Variants in UBR4 observed in about 807,000 individuals in gnomAD.
The protein encoded by UBR4 is E3 ubiquitin-protein ligase UBR4.
UBR4 carries 124 observed loss-of-function variants against 575.6 expected under a neutral mutation model. The ratio of observed to expected loss-of-function variants is 0.22; its 90% CI spans 0.19 to 0.25. UBR4 has a LOEUF of 0.25. UBR4 is among the 10% of genes least tolerant of loss of function. UBR4 has a pLI of 1.00. For synonymous variants in UBR4, 2,455 were observed against 2,473.7 expected, an observed-to-expected ratio of 0.99 and a Z score of 0.22; for missense variants, 4,818 against 6,478.8, an observed-to-expected ratio of 0.74 and a Z score of 8.80.
chr1:19,197,856 AT>A, intron 6 of UBR4, 45 bp from the exon 7 acceptor site: 1 of 1,612,928 alleles, frequency 6.2e-7, no homozygotes, highest in East Asian at 2.2e-5. Context: ...CCTTTGTCTG[AT>A]GCTTGATTCT....
chr1:19,100,627 T>C lies in UBR4; in HGVS notation c.13024-54A>G. The C allele has an allele frequency of 6.4e-7, 1 of 1,553,664 alleles. No homozygotes were observed. Among genetic ancestry groups the C allele is most frequent in the Non-Finnish European group, 8.9e-7 (1 of 1,127,042 alleles). On this transcript the variant is annotated intron_variant, in intron 88 of 105. Coordinates refer to ENST00000375254, the MANE Select transcript of UBR4 (RefSeq NM_020765.3). The surrounding 1 kb of genome is among the most constrained non-coding windows in gnomAD (Gnocchi z 4.2). ...AAGGGATGGCAGAGGTGGAGATTTA[T>C]ACCATGCTACCTTGTTCCATGGACA...
chr1:19,209,403 A>G (rs1291357620), intron 1 of UBR4, among the ~76,000 whole-genome samples: 1 of 152,228 alleles, frequency 6.6e-6, no homozygotes, highest in Non-Finnish European at 1.5e-5. Flanking sequence ...AAAAACACAC[A>G]AAAGGAAACC....
At chr1:19,141,900 G>A (rs773622995) in intron 55 of UBR4, 123 bp from the exon 56 acceptor site, 18 of 1,390,528 alleles carry the variant, frequency 1.3e-5, no homozygotes, top group South Asian at 2.7e-5. Flanking sequence ...GGGCTTTAGC[G>A]GGAGAACTCC....
At chr1:19,126,259 G>T (rs1286532421) in intron 64 of UBR4, among the ~76,000 whole-genome samples, 187 bp downstream of exon 64, 4 of 152,176 alleles carry the variant, frequency 2.6e-5, no homozygotes, top group Admixed American at 6.5e-5. Context: ...GCAGGAATGA[G>T]AATCCCACAG....
At chr1:19,161,788 C>A (rs1257539869) in intron 36 of UBR4, 39 bp downstream of exon 36, 2 of 1,613,998 alleles carry the variant, frequency 1.2e-6, no homozygotes, top group Non-Finnish European at 8.5e-7. Context: ...ACAATCGGTG[C>A]CCAGCAAATC....
Position 19,074,522 on chromosome 1 carries a change from G to C in UBR4, c.*310C>G. On this transcript the variant is annotated 3_prime_UTR_variant, in exon 106 of 106. Transcript: ENST00000375254. ...GGCAACACCTTCCTTTTCAATGTGT[G>C]TTAAGTCACTTGTTTATTTCTCAAG... 1 of 413,538 alleles carries C rather than the reference G, an allele frequency of 2.4e-6. No homozygotes were observed. 25.6% of individuals were successfully genotyped at this position (413,538 alleles called of 1,614,324 possible).
At chr1:19,207,937 CAG>C (rs1258674834) in intron 1 of UBR4, among the ~76,000 whole-genome samples, 1 of 152,212 alleles carries the variant, frequency 6.6e-6, no homozygotes, top group Non-Finnish European at 1.5e-5. Context: ...ACAGTCCAGA[CAG>C]AGACCACATG....
At chr1:19,185,362 A>G (rs1200168694) in intron 14 of UBR4, 76 bp from the exon 15 acceptor site, 3 of 1,401,346 alleles carry the variant, frequency 2.1e-6, no homozygotes, top group East Asian at 4.9e-5. Flanking sequence ...TCCTAAAAGT[A>G]CTTAAGTCAA....
chr1:19,154,218 G>A (rs927369644), intron 44 of UBR4, among the ~76,000 whole-genome samples: 1 of 152,198 alleles, frequency 6.6e-6, no homozygotes, highest in African/African-American at 2.4e-5. Flanking sequence ...GCTATCAACT[G>A]CAGAGGGCCA....
rs2150331384 is a variant in UBR4 at position 19,153,683 on chromosome 1, G to A, written c.6630+85C>T. 3 of 1,532,360 alleles carry A rather than the reference G, an allele frequency of 2.0e-6. No individual in the cohort carries two copies. Among genetic ancestry groups the A allele is most frequent in the East Asian group, 2.3e-5 (1 of 44,366 alleles). The allele number at this position is 1,532,360 out of a possible 1,614,324, so 94.9% of individuals were successfully genotyped here. On this transcript the variant is annotated intron_variant, in intron 45 of 105. Coordinates refer to ENST00000375254, the MANE Select transcript of UBR4 (RefSeq NM_020765.3). This position sits in a 1 kb window ranked among gnomAD's most constrained non-coding sequence, Gnocchi z 4.1. The stretch of plus-strand genomic sequence containing the variant: ...AATCTTTTATGGGCCTCCATTGAAA[G>A]AGCTGGGAAAGTGAAATGAATATAC...
intron 61 of UBR4, 105 bp from the exon 62 acceptor site, chr1:19,128,423 A>T (rs143032667): frequency 3.3e-5 from 31 of 938,754 alleles, no homozygotes; most frequent in Admixed American, 1.6e-4. Context: ...CATCCCTATC[A>T]ATCATAACTG....
Position 19,076,723 on chromosome 1 carries a change from A to G in UBR4, c.15487+17T>C. 3 of 1,614,092 alleles carry G rather than the reference A, an allele frequency of 1.9e-6. No homozygotes were observed. The highest frequency in any genetic ancestry group is 2.5e-6 in the Non-Finnish European group (3 of 1,179,986). On this transcript the variant is annotated intron_variant, in intron 105 of 105. Coordinates refer to ENST00000375254, the MANE Select transcript of UBR4 (RefSeq NM_020765.3). The stretch of plus-strand genomic sequence containing the variant: ...TTGCTGCGGAGGATCTTTAAAAGAG[A>G]AAACCTTGACACTAACCGGCCACAT...
At chr1:19,120,414 G>T in intron 68 of UBR4, 66 bp from the exon 69 acceptor site, 1 of 1,545,072 alleles carries the variant, frequency 6.5e-7, no homozygotes, top group South Asian at 1.2e-5. Context: ...CCTAAGGCCT[G>T]GGCTACCAAA....
At position 19,192,394 on chromosome 1, in the gene UBR4, C is replaced by G. The variant is rs746552196; in HGVS notation, c.1204-16G>C. ...TCTGATAGTGCTGTTGTGAAAGGCA[C>G]AAAATAAAAAACATAATCATAGAGA... On this transcript the variant is annotated splice_polypyrimidine_tract_variant and intron_variant, in intron 10 of 105. Transcript: ENST00000375254. The G allele has an allele frequency of 1.2e-6, 2 of 1,613,690 alleles. No individual in the cohort carries two copies. The highest frequency in any genetic ancestry group is 1.7e-6 in the Non-Finnish European group (2 of 1,179,854).
chr1:19,142,732 T>A (rs556031013), intron 55 of UBR4, among the ~76,000 whole-genome samples: 1 of 152,346 alleles, frequency 6.6e-6, no homozygotes, highest in Admixed American at 6.5e-5. Flanking sequence ...ATAAATTTTT[T>A]ATATTGACAA....
intron 87 of UBR4, among the ~76,000 whole-genome samples, chr1:19,101,887 T>G (rs767531145): frequency 1.3e-5 from 2 of 152,244 alleles, no homozygotes; most frequent in Non-Finnish European, 2.9e-5. Flanking sequence ...GCTGTGTACA[T>G]GTCTTGCTCT....
intron 90 of UBR4, among the ~76,000 whole-genome samples, chr1:19,098,006 A>G (rs2078226168): frequency 6.6e-6 from 1 of 152,228 alleles, no homozygotes; most frequent in Admixed American, 6.5e-5. Context: ...CACTGAGCAC[A>G]TATATTAATA....
At chr1:19,121,530 T>A (rs140667563) in intron 67 of UBR4, 96 bp from the exon 68 acceptor site, 1 of 1,448,268 alleles carries the variant, frequency 6.9e-7, no homozygotes, top group East Asian at 2.3e-5. Flanking sequence ...GACTGCCCTG[T>A]TCTCACCAGC....
At position 19,117,383 on chromosome 1, in the gene UBR4, G is replaced by A. The variant is rs747425525; in HGVS notation, c.10661C>T (p.Thr3554Met). ...YIKLSSIKVD[T>M]RYTTTQQVVK... Reference sequence around the variant, plus strand: ...AACCTGCTGGGTGGTGGTGTACCGCGTGTCCACTTTAATGGAAGACAGCTT... The same window carrying A: ...AACCTGCTGGGTGGTGGTGTACCGCATGTCCACTTTAATGGAAGACAGCTT... Residue 3554 changes from threonine to methionine, a missense_variant, in exon 73 of 106, where the codon ACG (threonine) becomes ATG (methionine). This residue lies in a region of UBR4 where 550 missense variants were observed against 791.5 expected (regional missense o/e 0.69). Transcript: ENST00000375254. The surrounding 1 kb of genome is among the most constrained non-coding windows in gnomAD (Gnocchi z 4.0). 26 of 1,614,036 alleles carry A rather than the reference G, an allele frequency of 1.6e-5. No individual in the cohort carries two copies. Among genetic ancestry groups the A allele is most frequent in the African/African-American group, 2.7e-5 (2 of 74,904 alleles).
Sources: allele counts gnomAD v4.1 joint callset (sites outside exome capture counted in the v4.1 genomes callset), GRCh38; gene constraint gnomAD v4.1.1; regional missense constraint gnomAD v4.1.1; non-coding constraint Gnocchi (gnomAD v3.1); transcripts MANE v1.5; gene names NCBI Gene and HGNC (gene_info 2026-07-23, HGNC 2026-07-21).